Variants in SNX6 observed in about 807,000 individuals in gnomAD.
SNX6 encodes sorting nexin-6.
SNX6 carries 34 observed loss-of-function variants against 63.0 expected under a neutral mutation model. That is an observed-to-expected ratio of 0.54 (90% CI 0.41 to 0.72). SNX6 has a LOEUF of 0.72. Among genes scored for constraint, SNX6 ranks in the 30% least tolerant of loss-of-function variants. SNX6 has a pLI of 0.00. For synonymous variants in SNX6, 170 were observed against 164.2 expected, an observed-to-expected ratio of 1.04 and a Z score of -0.27; for missense variants, 398 against 471.4, an observed-to-expected ratio of 0.84 and a Z score of 1.44.
At chr14:34,567,641 A>G (rs765062347) in intron 13 of SNX6, 45 bp downstream of exon 13, 16 of 1,409,772 alleles carry the variant, frequency 1.1e-5, no homozygotes, top group East Asian at 2.4e-5. Context: ...ATTCATTTCT[A>G]TATTACATGT....
intron 9 of SNX6, among the ~76,000 whole-genome samples, chr14:34,582,609 A>G (rs1161473651): frequency 6.6e-6 from 1 of 152,014 alleles, no homozygotes; most frequent in Non-Finnish European, 1.5e-5. Context: ...GCAGTGCAGT[A>G]GCGCCATCTC....
Position 34,608,160 on chromosome 14 carries a change from C to T in SNX6, c.160-20G>A, listed in dbSNP as rs761202673. The T allele has an allele frequency of 1.4e-6, 2 of 1,427,794 alleles. No individual in the cohort carries two copies. The highest frequency in any genetic ancestry group is 2.9e-5 in the African/African-American group (2 of 69,658). 88.4% of individuals were successfully genotyped at this position (1,427,794 alleles called of 1,614,324 possible). ...TGAACTCTGTAAAGATAGAGATTTTCTTGAATAAAAATCAAATTTACACTA... is the reference window on the plus strand; with the variant it reads ...TGAACTCTGTAAAGATAGAGATTTTTTTGAATAAAAATCAAATTTACACTA... On this transcript the variant is annotated intron_variant, in intron 3 of 13. Coordinates refer to ENST00000362031, the MANE Select transcript of SNX6 (RefSeq NM_152233.4).
chr14:34,590,057 G>A (rs1302850491), intron 8 of SNX6, among the ~76,000 whole-genome samples: 1 of 152,120 alleles, frequency 6.6e-6, no homozygotes, highest in South Asian at 2.1e-4. Flanking sequence ...AGTGAGCCAT[G>A]TTTGCACCAA....
At chr14:34,619,536 T>G (rs576415595) in intron 2 of SNX6, among the ~76,000 whole-genome samples, 7 of 150,876 alleles carry the variant, frequency 4.6e-5, no homozygotes, top group African/African-American at 1.7e-4. Context: ...TTTTCAGCAC[T>G]TATACGCAAA....
At chr14:34,609,803 C>G (rs970394607) in intron 2 of SNX6, 61 bp from the exon 3 acceptor site, 2 of 1,192,680 alleles carry the variant, frequency 1.7e-6, no homozygotes, top group African/African-American at 1.5e-5. Context: ...CATTTTTTCT[C>G]TTAAGACAAT....
intron 13 of SNX6, among the ~76,000 whole-genome samples, chr14:34,563,826 C>A (rs1881046257): frequency 6.6e-6 from 1 of 152,100 alleles, no homozygotes. Context: ...GTAACCTCCG[C>A]CTCCTGGGTT....
intron 6 of SNX6, 86 bp from the exon 7 acceptor site, chr14:34,597,731 A>C: frequency 1.4e-5 from 10 of 703,620 alleles, no homozygotes; most frequent in Non-Finnish European, 2.4e-5. Context: ...TGGCAATCTC[A>C]AAAGGATCCT....
In SNX6 at chr14:34,589,632, C is replaced by T. The variant is rs574577345; in HGVS notation, c.719-3327G>A. Among the ~76,000 whole-genome samples the T allele has an allele frequency of 6.6e-5, 10 of 151,818 alleles. No individual in the cohort carries two copies. In the South Asian group the frequency reaches 1.9e-3, roughly 28 times the overall value. The stretch of plus-strand genomic sequence containing the variant: ...CTTCAAACCTGGAGTTCGAGACCAG[C>T]CTGGGCAATATGGCAAAACCCCATC... On this transcript the variant is annotated intron_variant, in intron 8 of 13. Transcript: ENST00000362031.
chr14:34,625,854 A>T (rs1883807549), intron 2 of SNX6, among the ~76,000 whole-genome samples: 1 of 152,158 alleles, frequency 6.6e-6, no homozygotes, highest in African/African-American at 2.4e-5. Context: ...ATTCTGATTT[A>T]GTGAGGAGGT....
chr14:34,568,889 C>T lies in SNX6; in HGVS notation c.922-876G>A, dbSNP rs954966591. 10 of 1,198,324 alleles carry T rather than the reference C, an allele frequency of 8.3e-6. No homozygotes were observed. In the African/African-American group the frequency reaches 1.2e-4, roughly 14 times the overall value. 74.2% of individuals were successfully genotyped at this position (1,198,324 alleles called of 1,614,324 possible). ...ATGCCGCCACTTCTCTGACATCCCC[C>T]ATAGATCTTGGTCATGGAGCCAACC... On this transcript the variant is annotated intron_variant, in intron 11 of 13. Transcript: ENST00000362031.
At chr14:34,576,279 T>C (rs568982271) in intron 10 of SNX6, among the ~76,000 whole-genome samples, 1 of 152,068 alleles carries the variant, frequency 6.6e-6, no homozygotes, top group South Asian at 2.1e-4. Context: ...TTATTATAGT[T>C]TAAAAAATTG....
In SNX6 at chr14:34,629,890, A is replaced by AG. The variant is rs1165272306; in HGVS notation, c.54+16dup. The AG allele has an allele frequency of 2.9e-4, 454 of 1,555,852 alleles. No homozygotes were observed. The highest frequency in any genetic ancestry group is 3.8e-4 in the Non-Finnish European group (441 of 1,150,054). ...GAGGGTCCAGGGTCCCGCGAGCGAA[A>AG]GGAAGGCAGAACTTACTCCGCGGTC... On this transcript the variant is annotated intron_variant, in intron 2 of 13. Transcript: ENST00000362031.
At chr14:34,580,722 C>T (rs1041908033) in intron 10 of SNX6, among the ~76,000 whole-genome samples, 11 of 151,336 alleles carry the variant, frequency 7.3e-5, no homozygotes, top group African/African-American at 2.7e-4. Flanking sequence ...TGCAGATGCA[C>T]GGTCACAGCT....
At chr14:34,625,590 C>A (rs1478527347) in intron 2 of SNX6, among the ~76,000 whole-genome samples, 1 of 151,978 alleles carries the variant, frequency 6.6e-6, no homozygotes, top group Non-Finnish European at 1.5e-5. Flanking sequence ...AAAAAATTAG[C>A]CAGGCCTGGT....
intron 13 of SNX6, among the ~76,000 whole-genome samples, chr14:34,564,543 T>A (rs1432225606): frequency 1.3e-5 from 2 of 151,778 alleles, no homozygotes; most frequent in African/African-American, 4.8e-5. Context: ...AAGTATAGAA[T>A]CTGGCCAGGC....
intron 11 of SNX6, chr14:34,569,222 A>C (rs746530336): frequency 3.3e-6 from 2 of 598,898 alleles, no homozygotes; most frequent in Non-Finnish European, 6.0e-6. Context: ...CACATAACTC[A>C]CAATTTAAAA....
chr14:34,629,798 G>C (rs1411811059), intron 2 of SNX6, 109 bp downstream of exon 2: 2 of 1,480,358 alleles, frequency 1.4e-6, no homozygotes, highest in South Asian at 1.3e-5. Flanking sequence ...GGAGGACTAC[G>C]GGGAGGGAGT....
chr14:34,619,242 T>C (rs1272222097), intron 2 of SNX6, among the ~76,000 whole-genome samples: 2 of 152,014 alleles, frequency 1.3e-5, no homozygotes, highest in Admixed American at 1.3e-4. Flanking sequence ...GCCAACATGG[T>C]GAAACCCCAT....
chr14:34,567,285 G>C (rs979777805), intron 13 of SNX6, among the ~76,000 whole-genome samples: 1 of 151,668 alleles, frequency 6.6e-6, no homozygotes, highest in Non-Finnish European at 1.5e-5. Flanking sequence ...ACGGGATTTC[G>C]AGATAAGCCT....
Sources: allele counts gnomAD v4.1 joint callset (sites outside exome capture counted in the v4.1 genomes callset), GRCh38; gene constraint gnomAD v4.1.1; transcripts MANE v1.5; gene names NCBI Gene and HGNC (gene_info 2026-07-23, HGNC 2026-07-21).